The following LPIN1 variants were observed in gnomAD, a reference collection of about 807,000 sequenced individuals.
LPIN1 encodes phosphatidate phosphatase LPIN1.
In LPIN1, 71 loss-of-function variants were observed where a neutral mutation model predicts 107.5. The observed-to-expected ratio is 0.66, with a 90% CI of 0.55 to 0.80. The LOEUF is 0.80. Ranked by LOEUF, LPIN1 falls within the 30% of genes least tolerant of loss-of-function variation. The probability of loss-of-function intolerance (pLI) is 0.00; values close to 1 mark genes in which losing one functional copy is unlikely to be tolerated. For missense variants in LPIN1, 1,043 were observed against 1,160.6 expected (o/e 0.90, Z 1.47); for synonymous variants, 445 against 452.6 (o/e 0.98, Z 0.21).
chr2:11,705,249 G>A (rs997428705), intron 1 of LPIN1, among the ~76,000 whole-genome samples: 2 of 152,040 alleles, frequency 1.3e-5, no homozygotes, highest in African/African-American at 2.4e-5. Flanking sequence ...GGGTTGCCTC[G>A]GCCAAGTCCT....
In LPIN1 at chr2:11,805,094, G is replaced by T. The variant is rs2148703194; in HGVS notation, c.2187G>T (p.Leu729Phe). The T allele has an allele frequency of 6.2e-7, 1 of 1,611,992 alleles. No individual in the cohort carries two copies. Among genetic ancestry groups the T allele is most frequent in the Non-Finnish European group, 8.5e-7 (1 of 1,179,250 alleles). The change falls in exon 17 of 21, where the codon TTG (leucine) becomes TTT (phenylalanine). Residue 729 changes from leucine (L) to phenylalanine (F), a missense_variant. Coordinates refer to ENST00000674199, the MANE Select transcript of LPIN1 (RefSeq NM_001349206.2). The stretch of plus-strand genomic sequence containing the variant: ...GATCAGATACTCTTGGCCACATTTT[G>T]CCCACCCTTGGGAAGGATTGGACCC... The part of the protein sequence containing the change: ...ITRSDTLGHI[L>F]PTLGKDWTHQ...
intron 1 of LPIN1, among the ~76,000 whole-genome samples, chr2:11,712,688 A>G (rs1422868870): frequency 6.6e-6 from 1 of 152,194 alleles, no homozygotes; most frequent in Non-Finnish European, 1.5e-5. Flanking sequence ...GGACAGGGGA[A>G]GAGGTTTAGG....
chr2:11,783,618 C>T (rs1179859905), intron 8 of LPIN1, among the ~76,000 whole-genome samples: 1 of 152,234 alleles, frequency 6.6e-6, no homozygotes, highest in Non-Finnish European at 1.5e-5. Context: ...CGGTACTGTG[C>T]CCAAACCTCA....
intron 3 of LPIN1, among the ~76,000 whole-genome samples, chr2:11,768,675 G>A (rs1301842191): frequency 1.3e-5 from 2 of 152,010 alleles, no homozygotes; most frequent in Non-Finnish European, 2.9e-5. Context: ...GGTGGCTCAC[G>A]CCTGTAATCC....
chr2:11,772,079 A>G (rs893284150), intron 4 of LPIN1, among the ~76,000 whole-genome samples: 54 of 152,206 alleles, frequency 3.5e-4, no homozygotes, highest in African/African-American at 1.2e-3. Context: ...TGCGCAGCCC[A>G]GATCCCTCAC....
chr2:11,791,486 T>G (rs1675715398), intron 12 of LPIN1, among the ~76,000 whole-genome samples: 1 of 152,256 alleles, frequency 6.6e-6, no homozygotes, highest in East Asian at 1.9e-4. Context: ...CATTTTACCT[T>G]TTGTTGAAAA....
rs768074360 is a variant in LPIN1 at position 11,803,002 on chromosome 2, A to G, written c.1982A>G (p.Lys661Arg). Residue 661 changes from lysine to arginine, a missense_variant, in exon 15 of 21, where the codon AAG (lysine) becomes AGG (arginine). Physicochemically the swap from Lys to Arg is conservative, Grantham distance 26 (BLOSUM62 2). Transcript: ENST00000674199. The surrounding 1 kb of genome is among the most constrained non-coding windows in gnomAD (Gnocchi z 4.2). ...CCTCTTCTGCCTAATGTCAGCTACAAGAAGACTCTCCGGCTGACTTCCGAG... is the reference window on the plus strand; with the variant it reads ...CCTCTTCTGCCTAATGTCAGCTACAGGAAGACTCTCCGGCTGACTTCCGAG... ...HLPLLPNVSY[K>R]KTLRLTSEQL... is the part of the protein sequence containing the mutation. 105 of 1,612,880 alleles carry G rather than the reference A, an allele frequency of 6.5e-5. 1 individual carries two copies. Among genetic ancestry groups the G allele is most frequent in the Non-Finnish European group, 8.5e-5 (100 of 1,180,042 alleles).
At chr2:11,790,054 C>G (rs1209917127) in intron 12 of LPIN1, among the ~76,000 whole-genome samples, 2 of 152,068 alleles carry the variant, frequency 1.3e-5, no homozygotes, top group Non-Finnish European at 2.9e-5. Flanking sequence ...CCTATATTTT[C>G]TTTTTGTGCT....
intron 1 of LPIN1, among the ~76,000 whole-genome samples, chr2:11,754,293 A>G (rs1235455643): frequency 1.3e-5 from 2 of 152,222 alleles, no homozygotes; most frequent in South Asian, 4.1e-4. Context: ...CCTTAAGCCC[A>G]CAGGTGCCCT....
rs1013552890 is a variant in LPIN1 at position 11,783,126 on chromosome 2, C to G, written c.1264+619C>G. On this transcript the variant is annotated intron_variant, in intron 8 of 20. Coordinates refer to ENST00000674199, the MANE Select transcript of LPIN1 (RefSeq NM_001349206.2). ...ATGCCAGGCCTGATCTCCATCCACC[C>G]AGCAGCTTCGTGTGGTTTTCTAGAA... 3.3e-5 allele frequency among the ~76,000 whole-genome samples: 5 copies of G among 152,300 alleles called. No homozygotes were observed. In the South Asian group the frequency reaches 1.0e-3, roughly 32 times the overall value.
chr2:11,820,620 A>C, intron 20 of LPIN1, 106 bp downstream of exon 20: 1 of 758,302 alleles, frequency 1.3e-6, no homozygotes, highest in South Asian at 1.5e-5. Flanking sequence ...CCTATATGTT[A>C]ATCTGTAATT....
intron 20 of LPIN1, chr2:11,823,145 A>C (rs56163146): frequency 0.041 from 6,174 of 152,398 alleles, 195 homozygotes; most frequent in Non-Finnish European, 0.059. Flanking sequence ...GGAGCAGCTC[A>C]GTTCTTTTTC....
At chr2:11,785,621 G>T (rs1489724876) in intron 10 of LPIN1, among the ~76,000 whole-genome samples, 1 of 152,154 alleles carries the variant, frequency 6.6e-6, no homozygotes, top group Admixed American at 6.5e-5. Context: ...ATCAGCTGGG[G>T]ACTAGACACA....
At position 11,787,076 on chromosome 2, in the gene LPIN1, G is replaced by C. The variant is rs1308524425; in HGVS notation, c.1552G>C (p.Ala518Pro). ...ATCCTCTGCAATTGCTGTCACAGAT[G>C]CATTCCTGGAGCAAGCTGTGTCATA... ...LSDHREITKD[A>P]FLEQAVSYQQ... The change falls in exon 11 of 21, where the codon GCA (alanine) becomes CCA (proline). Residue 518 changes from alanine to proline, a missense_variant and splice_region_variant. Coordinates refer to ENST00000674199, the MANE Select transcript of LPIN1 (RefSeq NM_001349206.2). The C allele has an allele frequency of 6.2e-7, 1 of 1,610,860 alleles. No homozygotes were observed. Among genetic ancestry groups the C allele is most frequent in the Non-Finnish European group, 8.5e-7 (1 of 1,177,060 alleles).
Position 11,771,660 on chromosome 2 carries a change from G to T in LPIN1, c.577G>T (p.Glu193Ter). Residue 193 changes from glutamate (E) to a stop codon, truncating the protein, a stop_gained, in exon 4 of 21, where the codon GAG becomes TAG. Coordinates refer to ENST00000674199, the MANE Select transcript of LPIN1 (RefSeq NM_001349206.2). LOFTEE classifies it high-confidence loss of function. The surrounding 1 kb of genome is among the most constrained non-coding windows in gnomAD (Gnocchi z 4.8). ...PIEMSSDEAM[E>*]LLESSRTLPN... ...CGAGATGAGCTCGGATGAGGCCATG[G>T]AGCTGCTGGAGAGCAGCAGGTAATA... The T allele has an allele frequency of 6.3e-7, 1 of 1,593,634 alleles. No individual in the cohort carries two copies. Among genetic ancestry groups the T allele is most frequent in the South Asian group, 1.1e-5 (1 of 87,786 alleles).
chr2:11,729,091 C>T (rs72773973), intron 1 of LPIN1, among the ~76,000 whole-genome samples: 7,711 of 152,146 alleles, frequency 0.051, 188 homozygotes, highest in South Asian at 0.086. Context: ...ATGTCCAGAT[C>T]GAACAATGAG....
At chr2:11,745,411 T>C (rs946898735), upstream of LPIN1, 2 of 152,224 alleles carry the variant, frequency 1.3e-5, no homozygotes, top group Admixed American at 6.5e-5. Flanking sequence ...AATTCCCAGG[T>C]TTAAAATTCT....
At chr2:11,701,490 A>G (rs1255356262) in intron 1 of LPIN1, among the ~76,000 whole-genome samples, 2 of 152,170 alleles carry the variant, frequency 1.3e-5, no homozygotes, top group African/African-American at 4.8e-5. Context: ...GCGCCGGCCC[A>G]GGTGGCACAC....
chr2:11,715,164 A>G lies in LPIN1; in HGVS notation c.138+1352A>G, dbSNP rs959468033. On this transcript the variant is annotated intron_variant, in intron 2 of 21. Coordinates refer to the LPIN1 transcript ENST00000449576. ...CCCCTTCACCTGTGGGTGGGAGCGC[A>G]GGCCACATAGTCATGGAGGCGGCCT... Among the ~76,000 whole-genome samples, 8 of 152,308 alleles carry G rather than the reference A, an allele frequency of 5.3e-5. No individual in the cohort carries two copies. In the South Asian group the frequency reaches 1.7e-3, roughly 32 times the overall value.
Sources: allele counts gnomAD v4.1 joint callset (sites outside exome capture counted in the v4.1 genomes callset), GRCh38; gene constraint gnomAD v4.1.1; non-coding constraint Gnocchi (gnomAD v3.1); transcripts MANE v1.5; gene names NCBI Gene and HGNC (gene_info 2026-07-23, HGNC 2026-07-21).